Variants in BCL2 observed in about 807,000 individuals in gnomAD.
BCL2 encodes the protein BCL2 apoptosis regulator.
Under a neutral mutation model 14.2 loss-of-function variants are expected in BCL2, and 1 was observed. The ratio of observed to expected loss-of-function variants is 0.07; its 90% CI spans 0.02 to 0.33. The LOEUF (loss-of-function observed/expected upper bound fraction) is 0.33, where lower values mean the gene tolerates loss of function less well. Ranked by LOEUF, BCL2 falls within the 10% of genes least tolerant of loss-of-function variation. The pLI is 0.99. For synonymous variants in BCL2, 151 were observed against 137.2 expected, an observed-to-expected ratio of 1.10 and a Z score of -0.70; for missense variants, 247 against 305.9, an observed-to-expected ratio of 0.81 and a Z score of 1.44.
At chr18:63,305,649 C>G (rs1335686090) in intron 2 of BCL2, among the ~76,000 whole-genome samples, 2 of 152,034 alleles carry the variant, frequency 1.3e-5, no homozygotes, top group South Asian at 4.1e-4. Context: ...AACTGCCTTT[C>G]ATAATTGAAT....
intron 2 of BCL2, among the ~76,000 whole-genome samples, chr18:63,206,042 T>G (rs1909826814): frequency 6.6e-6 from 1 of 152,350 alleles, no homozygotes; most frequent in South Asian, 2.1e-4. Flanking sequence ...CTCAGGCCTC[T>G]CCCTCTTCTG....
At chr18:63,143,201 A>C (rs1914412568) in intron 2 of BCL2, among the ~76,000 whole-genome samples, 1 of 152,282 alleles carries the variant, frequency 6.6e-6, no homozygotes, top group Non-Finnish European at 1.5e-5. Flanking sequence ...AGAAACTCAG[A>C]GAGAGAAACG....
intron 2 of BCL2, among the ~76,000 whole-genome samples, chr18:63,137,152 C>T (rs975290398): frequency 6.6e-6 from 1 of 152,252 alleles, no homozygotes; most frequent in Non-Finnish European, 1.5e-5. Flanking sequence ...CTGGCTCCAA[C>T]CTAGTTCTCC....
chr18:63,201,241 AT>A (rs1361375898), intron 2 of BCL2, among the ~76,000 whole-genome samples: 2 of 152,178 alleles, frequency 1.3e-5, no homozygotes, highest in Admixed American at 6.5e-5. Context: ...GAAAAGTTAA[AT>A]TTTTTTCACC....
chr18:63,318,657 C>T lies in BCL2; in HGVS notation c.10G>A (p.Ala4Thr), dbSNP rs768498963. ...CGGTTATCGTACCCTGTTCTCCCAG[C>T]GTGCGCCATCCTTCCCAGAGGAAAA... The part of the protein sequence containing the change: MAH[A>T]GRTGYDNREI... The change falls in exon 2 of 3, where the codon GCT (alanine) becomes ACT (threonine). Residue 4 changes from alanine to threonine, a missense_variant. By Grantham distance (58) the Ala-to-Thr change is moderately conservative. Around this residue, in one of 3 missense-constraint regions of BCL2, gnomAD observed 144 missense variants for 135.3 expected, o/e 1.06. Coordinates refer to ENST00000333681, the MANE Select transcript of BCL2 (RefSeq NM_000633.3). This position sits in a 1 kb window ranked among gnomAD's most constrained non-coding sequence, Gnocchi z 7.4. 1.2e-6 allele frequency: 2 copies of T among 1,612,900 alleles called. No homozygotes were observed. The highest frequency in any genetic ancestry group is 1.7e-6 in the Non-Finnish European group (2 of 1,179,386).
rs1178177633 is a variant in BCL2 at position 63,318,598 on chromosome 18, C to G, written c.69G>C (p.Leu23=). ...CATCCCACTCGTAGCCCCTCTGCGA[C>G]AGCTTATAATGGATGTACTTCATCA... ...EIVMKYIHYK[L]SQRGYEWDAG... Residue 23 remains leucine (L), a synonymous_variant, in exon 2 of 3, where the codon CTG becomes CTC. Coordinates refer to ENST00000333681, the MANE Select transcript of BCL2 (RefSeq NM_000633.3). This position sits in a 1 kb window ranked among gnomAD's most constrained non-coding sequence, Gnocchi z 7.4. 6.2e-7 allele frequency: 1 copy of G among 1,608,298 alleles called. No individual in the cohort carries two copies. Among genetic ancestry groups the G allele is most frequent in the African/African-American group, 1.3e-5 (1 of 74,228 alleles).
intron 2 of BCL2, among the ~76,000 whole-genome samples, chr18:63,189,320 T>C (rs559159585): frequency 2.0e-5 from 3 of 152,132 alleles, no homozygotes; most frequent in African/African-American, 4.8e-5. Flanking sequence ...ATTTAAAGGG[T>C]CACCATTCAG....
chr18:63,162,586 TC>T (rs751566092), intron 2 of BCL2, among the ~76,000 whole-genome samples: 2 of 152,074 alleles, frequency 1.3e-5, no homozygotes, highest in Non-Finnish European at 2.9e-5. Flanking sequence ...CTTTCTCACT[TC>T]CTATTTTCTA....
intron 2 of BCL2, among the ~76,000 whole-genome samples, chr18:63,266,305 G>A (rs955352687): frequency 2.6e-5 from 4 of 151,284 alleles, no homozygotes; most frequent in African/African-American, 7.3e-5. Flanking sequence ...ATCAAACAAA[G>A]CAAATTAAAA....
chr18:63,124,520 A>G lies in BCL2; in HGVS notation c.*4105T>C, dbSNP rs973653120. 3 of 231,746 alleles carry G rather than the reference A, an allele frequency of 1.3e-5. No homozygotes were observed. The Admixed American group carries it at 1.7e-4, about 13-fold the overall frequency. 14.4% of individuals were successfully genotyped at this position (231,746 alleles called of 1,614,324 possible). ...ATCGACCCCAATACAGGTCCTTCATACCCTTAGTTCTGGTTATTCTGAAAA... is the reference window on the plus strand; with the variant it reads ...ATCGACCCCAATACAGGTCCTTCATGCCCTTAGTTCTGGTTATTCTGAAAA... On this transcript the variant is annotated 3_prime_UTR_variant, in exon 3 of 3. Transcript: ENST00000333681.
chr18:63,317,763 G>T, intron 2 of BCL2: 2 of 1,195,032 alleles, frequency 1.7e-6, no homozygotes, highest in Non-Finnish European at 2.1e-6. Context: ...GGTGGTCCTG[G>T]GGACTCCTGG....
Position 63,218,652 on chromosome 18 carries a change from C to CTCATCCCCATCCTCCAG in BCL2, c.586-89910_586-89894dup, listed in dbSNP as rs1555700979. On this transcript the variant is annotated intron_variant, in intron 2 of 2. Transcript: ENST00000333681. ...TCCCATCCACTCATCCCATCCTCCACTCATCCCCATCCTCCAGTCATCCCC... is the reference window on the plus strand; with the variant it reads ...TCCCATCCACTCATCCCATCCTCCACTCATCCCCATCCTCCAGTCATCCCCATCCTCCAGTCATCCCC... Among the ~76,000 whole-genome samples the CTCATCCCCATCCTCCAG allele has an allele frequency of 1.4e-4, 10 of 73,328 alleles. 1 individual carries two copies. The highest frequency in any genetic ancestry group is 2.6e-4 in the Non-Finnish European group (9 of 34,160). 48.1% of individuals were successfully genotyped at this position (73,328 alleles called of 152,430 possible). A position where few individuals can be genotyped will look rare whatever the true frequency, so the allele number is the denominator to read the frequency against.
chr18:63,174,847 A>G (rs955093738), intron 2 of BCL2, among the ~76,000 whole-genome samples: 2 of 150,372 alleles, frequency 1.3e-5, no homozygotes, highest in Admixed American at 6.6e-5. Context: ...AAAAGCATTA[A>G]GAAGTTCTAC....
At chr18:63,191,266 A>C (rs1171513331) in intron 2 of BCL2, among the ~76,000 whole-genome samples, 2 of 152,214 alleles carry the variant, frequency 1.3e-5, no homozygotes, top group African/African-American at 4.8e-5. Context: ...TAGATCCTTG[A>C]GGAATCGCTA....
intron 2 of BCL2, among the ~76,000 whole-genome samples, chr18:63,131,499 G>A (rs1914069104): frequency 6.6e-6 from 1 of 152,182 alleles, no homozygotes; most frequent in South Asian, 2.1e-4. Context: ...GCAGGAAGGA[G>A]TCAGGACTTC....
chr18:63,223,423 G>A (rs1467284072), intron 2 of BCL2, among the ~76,000 whole-genome samples: 1 of 150,872 alleles, frequency 6.6e-6, no homozygotes, highest in Non-Finnish European at 1.5e-5. Context: ...AAATAAAGAA[G>A]AATGTGAGGG....
chr18:63,278,025 A>G (rs1033216648), intron 2 of BCL2, among the ~76,000 whole-genome samples: 2 of 152,200 alleles, frequency 1.3e-5, no homozygotes, highest in Non-Finnish European at 2.9e-5. Context: ...ATGATGCTCA[A>G]AAACAAAAGC....
At chr18:63,212,092 CTG>C (rs879904976) in intron 2 of BCL2, among the ~76,000 whole-genome samples, 2,319 of 150,584 alleles carry the variant, frequency 0.015, 39 homozygotes, top group Non-Finnish European at 0.024. Flanking sequence ...CTTTGGGAGG[CTG>C]AGGCAGGTGG....
intron 2 of BCL2, among the ~76,000 whole-genome samples, chr18:63,269,653 A>C (rs972509932): frequency 6.6e-6 from 1 of 152,226 alleles, no homozygotes; most frequent in African/African-American, 2.4e-5. Context: ...AGCAACATAC[A>C]TCAGAGTTTA....
Sources: allele counts gnomAD v4.1 joint callset (sites outside exome capture counted in the v4.1 genomes callset), GRCh38; gene constraint gnomAD v4.1.1; regional missense constraint gnomAD v4.1.1; non-coding constraint Gnocchi (gnomAD v3.1); transcripts MANE v1.5; gene names NCBI Gene and HGNC (gene_info 2026-07-23, HGNC 2026-07-21).